The following CCDC57 variants were observed in gnomAD, a reference collection of about 807,000 sequenced individuals.
CCDC57 encodes coiled-coil domain-containing protein 57.
A neutral mutation model predicts 118.9 loss-of-function variants in CCDC57; 118 were observed. The ratio of observed to expected loss-of-function variants is 0.99; its 90% CI spans 0.86 to 1.16. The LOEUF (loss-of-function observed/expected upper bound fraction) is 1.16. Ranked by LOEUF, CCDC57 falls within the 50% of genes most tolerant of loss-of-function variation. CCDC57 has a pLI of 0.00. For synonymous variants in CCDC57, 527 were observed against 532.9 expected (o/e 0.99, Z 0.15); for missense variants, 1,300 against 1,320.7 (o/e 0.98, Z 0.24).
chr17:82,139,330 G>A (rs2039708630), intron 16 of CCDC57, among the ~76,000 whole-genome samples: 1 of 141,458 alleles, frequency 7.1e-6, no homozygotes, highest in Admixed American at 7.6e-5. Flanking sequence ...GCCATGTGCA[G>A]TCTTTTGTCA....
At chr17:82,119,820 G>A (rs1193736681) in intron 19 of CCDC57, among the ~76,000 whole-genome samples, 1 of 152,122 alleles carries the variant, frequency 6.6e-6, no homozygotes, top group Non-Finnish European at 1.5e-5. Context: ...ATCTGAGGCT[G>A]TCATAAAAAC....
chr17:82,205,474 G>C (rs1301116448), intron 2 of CCDC57, among the ~76,000 whole-genome samples: 1 of 152,204 alleles, frequency 6.6e-6, no homozygotes, highest in Non-Finnish European at 1.5e-5. Flanking sequence ...AGCGTATGAA[G>C]ACAGACCGAG....
At chr17:82,130,433 A>ATT (rs2038156457) in intron 17 of CCDC57, among the ~76,000 whole-genome samples, 1 of 146,438 alleles carries the variant, frequency 6.8e-6, no homozygotes. Context: ...GACCTCAAGT[A>ATT]ATCTGCTCGC....
chr17:82,202,765 T>G (rs371760896), intron 2 of CCDC57, among the ~76,000 whole-genome samples: 2 of 151,646 alleles, frequency 1.3e-5, no homozygotes, highest in Admixed American at 1.3e-4. Flanking sequence ...ATTAAAAAAA[T>G]AAATTAAAAA....
At chr17:82,207,739 T>C (rs1427145584) in intron 2 of CCDC57, 1 of 152,242 alleles carries the variant, frequency 6.6e-6, no homozygotes, top group Non-Finnish European at 1.5e-5. Context: ...ACTCTTTCTC[T>C]ATCCTAATTC....
At chr17:82,138,302 C>T (rs2039528287) in intron 16 of CCDC57, among the ~76,000 whole-genome samples, 3 of 151,578 alleles carry the variant, frequency 2.0e-5, no homozygotes, top group Admixed American at 2.0e-4. Context: ...GTGCCCACCA[C>T]CACGCCTGGC....
At chr17:82,182,734 G>T (rs2046363995) in intron 9 of CCDC57, among the ~76,000 whole-genome samples, 1 of 151,440 alleles carries the variant, frequency 6.6e-6, no homozygotes, top group South Asian at 2.1e-4. Flanking sequence ...TGCCCAGGCT[G>T]GAATGCAGTG....
At chr17:82,125,918 G>T (rs926932209) in intron 19 of CCDC57, among the ~76,000 whole-genome samples, 1 of 152,138 alleles carries the variant, frequency 6.6e-6, no homozygotes, top group Non-Finnish European at 1.5e-5. Context: ...TGACAAAGGT[G>T]GGAGTCCGAA....
In CCDC57 at chr17:82,193,741, A is replaced by ACTGACAT; in HGVS notation, c.851+14_851+15insATGTCAG. 6.3e-7 allele frequency: 1 copy of ACTGACAT among 1,583,280 alleles called. No individual in the cohort carries two copies. On this transcript the variant is annotated intron_variant, in intron 7 of 19. Transcript: ENST00000665763. The stretch of plus-strand genomic sequence containing the variant: ...CACTGACATGCTGCATGATGTTGGG[A>ACTGACAT]GCCGAAACACTCACTTCCTCTTAAA...
chr17:82,187,560 G>GCGTT (rs1374218261), intron 8 of CCDC57, among the ~76,000 whole-genome samples: 1 of 30,492 alleles, frequency 3.3e-5, no homozygotes. Flanking sequence ...GCAGGGGTCG[G>GCGTT]GGGGGCACTG....
chr17:82,124,311 A>G (rs1374104173), intron 19 of CCDC57, among the ~76,000 whole-genome samples: 5 of 152,216 alleles, frequency 3.3e-5, no homozygotes, highest in Admixed American at 2.6e-4. Flanking sequence ...AACAGGCCCT[A>G]TCTGCAAAGT....
chr17:82,171,715 G>A (rs774832522), exon 13 of CCDC57: 25 of 1,612,040 alleles, frequency 1.6e-5, no homozygotes, highest in Non-Finnish European at 1.9e-5. Context: ...CGTCTCTGTC[G>A]AGGTGCGGAC....
chr17:82,183,886 T>G, exon 9 of CCDC57: 1 of 1,613,804 alleles, frequency 6.2e-7, no homozygotes, highest in Non-Finnish European at 8.5e-7. Context: ...AGTTGAGCAA[T>G]TTGAGCATCC....
chr17:82,178,522 C>G lies in CCDC57; in HGVS notation c.1458G>C (p.Gln486His), dbSNP rs778391490. The stretch of plus-strand genomic sequence containing the variant: ...CATGCATCCTCAGGGCCTGCACGGC[C>G]TGGTCTCGTTCCAGGGTCACGGCCT... Residue 486 changes from glutamine to histidine, a missense_variant, in exon 11 of 20, where the codon CAG becomes CAC. Physicochemically the swap from Gln to His is conservative, Grantham distance 24. Transcript: ENST00000665763. The G allele has an allele frequency of 1.3e-5, 21 of 1,613,888 alleles. No individual in the cohort carries two copies. In the South Asian group the frequency reaches 2.3e-4, roughly 18 times the overall value.
intron 16 of CCDC57, among the ~76,000 whole-genome samples, chr17:82,148,622 A>G (rs1461155314): frequency 4.5e-5 from 2 of 44,784 alleles, no homozygotes; most frequent in African/African-American, 8.8e-5. Context: ...GTGGGTGAGT[A>G]GATGGATAGA....
intron 7 of CCDC57, among the ~76,000 whole-genome samples, chr17:82,190,221 C>A (rs1172541675): frequency 1.3e-5 from 2 of 152,252 alleles, no homozygotes; most frequent in Non-Finnish European, 2.9e-5. Context: ...CAAGGTTCTT[C>A]ATATCCCAGC....
At chr17:82,200,095 A>C (rs1185877950) in intron 3 of CCDC57, among the ~76,000 whole-genome samples, 3 of 152,110 alleles carry the variant, frequency 2.0e-5, no homozygotes, top group Non-Finnish European at 4.4e-5. Flanking sequence ...CACACCCACC[A>C]ATGTGGGTCT....
intron 4 of CCDC57, among the ~76,000 whole-genome samples, chr17:82,195,662 T>A (rs184140441): frequency 1.6e-4 from 24 of 150,712 alleles, no homozygotes; most frequent in Admixed American, 1.5e-3. Flanking sequence ...CTCCATTGAG[T>A]CAATTCTACC....
chr17:82,191,580 C>T (rs2047672389), intron 7 of CCDC57, among the ~76,000 whole-genome samples: 1 of 152,206 alleles, frequency 6.6e-6, no homozygotes, highest in African/African-American at 2.4e-5. Context: ...CCATCCTCTG[C>T]CTCCTCCTCA....
Sources: allele counts gnomAD v4.1 joint callset (sites outside exome capture counted in the v4.1 genomes callset), GRCh38; gene constraint gnomAD v4.1.1; transcripts MANE v1.5; gene names NCBI Gene and HGNC (gene_info 2026-07-23, HGNC 2026-07-21).